DCUN1D1: variants seen among roughly 807,000 people sequenced by gnomAD.
The protein encoded by DCUN1D1 is defective in cullin neddylation 1 domain containing 1, also known as DCN1-like protein 1.
A neutral mutation model predicts 39.0 loss-of-function variants in DCUN1D1; 3 were observed. That is an observed-to-expected ratio of 0.08 (90% CI 0.04 to 0.20). DCUN1D1 has a LOEUF of 0.20. Among genes scored for constraint, DCUN1D1 ranks in the 10% least tolerant of loss-of-function variants. The pLI is 1.00. For missense variants in DCUN1D1, 158 were observed against 302.4 expected, an observed-to-expected ratio of 0.52 and a Z score of 3.54; for synonymous variants, 82 against 96.3, an observed-to-expected ratio of 0.85 and a Z score of 0.87.
upstream of DCUN1D1, among the ~76,000 whole-genome samples, chr3:182,983,588 T>C (rs1728628910): frequency 1.3e-5 from 2 of 151,908 alleles, no homozygotes; most frequent in Admixed American, 1.3e-4. Context: ...ATGCCTGCAA[T>C]CCCAGCTAGT....
At chr3:182,959,323 T>C (rs1727253800) in intron 4 of DCUN1D1, among the ~76,000 whole-genome samples, 1 of 152,096 alleles carries the variant, frequency 6.6e-6, no homozygotes, top group South Asian at 2.1e-4. Flanking sequence ...CGTGGGGCCA[T>C]ACCACATTAC....
At chr3:182,970,185 G>A (rs1464645650) in intron 1 of DCUN1D1, among the ~76,000 whole-genome samples, 1 of 152,046 alleles carries the variant, frequency 6.6e-6, no homozygotes, top group Non-Finnish European at 1.5e-5. Context: ...GATCACTTGA[G>A]CCCAAGAGTT....
chr3:182,972,107 A>C (rs1727973608), intron 1 of DCUN1D1, among the ~76,000 whole-genome samples: 1 of 149,470 alleles, frequency 6.7e-6, no homozygotes, highest in Admixed American at 6.7e-5. Flanking sequence ...GAAGGGTATA[A>C]GTTATTTTTA....
chr3:182,974,385 C>G (rs1183683037), intron 1 of DCUN1D1, among the ~76,000 whole-genome samples: 1 of 151,690 alleles, frequency 6.6e-6, no homozygotes, highest in Non-Finnish European at 1.5e-5. Flanking sequence ...GAACTTCTAA[C>G]AAGAAATCCA....
rs954395720 is a variant in DCUN1D1 at position 182,938,167 on chromosome 3, ATTTT to A, written c.*6923_*6926del. ...TAACTTGAAAAATATATTCGTTAGA[ATTTT>A]TTTATTAAGTACATCAAAATTTCAC... On this transcript the variant is annotated 3_prime_UTR_variant, in exon 7 of 7. Coordinates refer to ENST00000292782, the MANE Select transcript of DCUN1D1 (RefSeq NM_020640.4). 2.0e-5 allele frequency: 3 copies of A among 152,142 alleles called. No individual in the cohort carries two copies. Among genetic ancestry groups the A allele is most frequent in the Non-Finnish European group, 2.9e-5 (2 of 68,016 alleles). The allele number at this position is 152,142 out of a possible 1,614,324, so 9.4% of individuals were successfully genotyped here.
chr3:182,958,602 T>C (rs1456643235), intron 4 of DCUN1D1, among the ~76,000 whole-genome samples: 2 of 152,196 alleles, frequency 1.3e-5, no homozygotes, highest in East Asian at 1.9e-4. Flanking sequence ...TACATTCACA[T>C]TGCTGTGCCA....
chr3:182,971,785 A>G (rs1301360744), intron 1 of DCUN1D1, among the ~76,000 whole-genome samples: 2 of 152,200 alleles, frequency 1.3e-5, no homozygotes, highest in African/African-American at 4.8e-5. Context: ...TAGCAGAGCC[A>G]GAATGAAACC....
chr3:182,950,118 C>T (rs530986410), intron 4 of DCUN1D1, among the ~76,000 whole-genome samples: 15 of 152,190 alleles, frequency 9.9e-5, no homozygotes, highest in African/African-American at 3.6e-4. Context: ...TCTGGCATTT[C>T]GAACTCCATC....
Position 182,945,148 on chromosome 3 carries a change from G to C in DCUN1D1, c.726C>G (p.Asp242Glu). The change falls in exon 7 of 7, where the codon GAC becomes GAG. Residue 242 changes from aspartate to glutamate, a missense_variant. Physicochemically the swap from Asp to Glu is conservative, Grantham distance 45. Coordinates refer to ENST00000292782, the MANE Select transcript of DCUN1D1 (RefSeq NM_020640.4). ...EEGAWPVLID[D>E]FVEFARPQIA... ...TTTGAGGGCGTGCAAATTCCACAAAGTCATCAATAAGAACAGGCCATGCTC... is the reference window on the plus strand; with the variant it reads ...TTTGAGGGCGTGCAAATTCCACAAACTCATCAATAAGAACAGGCCATGCTC... 1 of 1,612,940 alleles carries C rather than the reference G, an allele frequency of 6.2e-7. No homozygotes were observed. The highest frequency in any genetic ancestry group is 8.5e-7 in the Non-Finnish European group (1 of 1,179,704).
chr3:182,942,065 G>A lies in DCUN1D1; in HGVS notation c.*3029C>T, dbSNP rs1211061309. ...AAGAATTCCCCAGTAAAGATATTACGTAAAGGATTTCTCATGTTATTTTGT... is the reference window on the plus strand; with the variant it reads ...AAGAATTCCCCAGTAAAGATATTACATAAAGGATTTCTCATGTTATTTTGT... On this transcript the variant is annotated 3_prime_UTR_variant, in exon 7 of 7. Coordinates refer to ENST00000292782, the MANE Select transcript of DCUN1D1 (RefSeq NM_020640.4). 2.0e-5 allele frequency: 3 copies of A among 152,032 alleles called. No homozygotes were observed. The highest frequency in any genetic ancestry group is 6.6e-5 in the Admixed American group (1 of 15,242). The allele number at this position is 152,032 out of a possible 1,614,324, so 9.4% of individuals were successfully genotyped here.
intron 4 of DCUN1D1, among the ~76,000 whole-genome samples, chr3:182,951,668 A>T (rs1214033633): frequency 1.4e-5 from 2 of 147,804 alleles, no homozygotes; most frequent in South Asian, 2.1e-4. Context: ...AAAAGAAAGA[A>T]AGTTCAGGTT....
At chr3:182,952,201 C>T (rs562715878) in intron 4 of DCUN1D1, among the ~76,000 whole-genome samples, 9 of 152,240 alleles carry the variant, frequency 5.9e-5, no homozygotes, top group Admixed American at 2.0e-4. Flanking sequence ...CCTGATAGAA[C>T]TGTCACTTCC....
At position 182,943,262 on chromosome 3, in the gene DCUN1D1, T is replaced by C. The variant is rs933903613; in HGVS notation, c.*1832A>G. 6.7e-6 allele frequency: 1 copy of C among 149,036 alleles called. No individual in the cohort carries two copies. The highest frequency in any genetic ancestry group is 2.4e-5 in the African/African-American group (1 of 40,850). The allele number at this position is 149,036 out of a possible 1,614,324, so 9.2% of individuals were successfully genotyped here. ...ATATATATAGATATATAGATATATA[T>C]ATCTTTTAAAAATTTTTCATAATTG... On this transcript the variant is annotated 3_prime_UTR_variant, in exon 7 of 7. Transcript: ENST00000292782.
intron 1 of DCUN1D1, among the ~76,000 whole-genome samples, chr3:182,972,169 T>C (rs951093302): frequency 6.6e-6 from 1 of 151,212 alleles, no homozygotes; most frequent in African/African-American, 2.4e-5. Context: ...TGTCAGTCTA[T>C]TTTAAAAACA....
chr3:182,958,056 G>C (rs1005392228), intron 4 of DCUN1D1, among the ~76,000 whole-genome samples: 1 of 149,290 alleles, frequency 6.7e-6, no homozygotes, highest in Non-Finnish European at 1.5e-5. Flanking sequence ...AATTTGTTTT[G>C]GGCCTTACCT....
At position 182,939,068 on chromosome 3, in the gene DCUN1D1, A is replaced by G. The variant is rs991100306; in HGVS notation, c.*6026T>C. On this transcript the variant is annotated 3_prime_UTR_variant, in exon 7 of 7. Transcript: ENST00000292782. The stretch of plus-strand genomic sequence containing the variant: ...CTCCAAGAGAGTACATGTCTACTAG[A>G]GTAACTAATTTTACAGCAATCGCTG... The G allele has an allele frequency of 6.6e-6, 1 of 152,258 alleles. No individual in the cohort carries two copies. Among genetic ancestry groups the G allele is most frequent in the Admixed American group, 6.5e-5 (1 of 15,286 alleles). 9.4% of individuals were successfully genotyped at this position (152,258 alleles called of 1,614,324 possible).
chr3:182,970,959 A>G (rs1489411080), intron 1 of DCUN1D1, among the ~76,000 whole-genome samples: 1 of 152,222 alleles, frequency 6.6e-6, no homozygotes. Context: ...ACTTTCACCT[A>G]GAAACAAAGT....
intron 4 of DCUN1D1, chr3:182,951,037 A>G (rs563298445): frequency 2.7e-5 from 4 of 146,572 alleles, no homozygotes; most frequent in Non-Finnish European, 6.1e-5. Flanking sequence ...AAAAAAATAC[A>G]TAACACCAAT....
intron 1 of DCUN1D1, among the ~76,000 whole-genome samples, chr3:182,975,419 G>A (rs760497029): frequency 6.6e-5 from 10 of 151,636 alleles, no homozygotes; most frequent in South Asian, 4.2e-4. Flanking sequence ...CTTGTGATCC[G>A]CCCGCCTCAG....
Sources: allele counts gnomAD v4.1 joint callset (sites outside exome capture counted in the v4.1 genomes callset), GRCh38; gene constraint gnomAD v4.1.1; transcripts MANE v1.5; gene names NCBI Gene and HGNC (gene_info 2026-07-23, HGNC 2026-07-21).